LRRC7: variants seen among roughly 807,000 people sequenced by gnomAD.
LRRC7 encodes the protein leucine rich repeat containing 7.
In LRRC7, 23 loss-of-function variants were observed where a neutral mutation model predicts 175.7. The observed-to-expected ratio is 0.13, with a 90% CI of 0.09 to 0.19. The LOEUF is 0.19. LRRC7 is among the 10% of genes least tolerant of loss of function. LRRC7 has a pLI of 1.00. For missense variants in LRRC7, 1,354 were observed against 1,904.7 expected (o/e 0.71, Z 5.38); for synonymous variants, 685 against 680.9 (o/e 1.01, Z -0.09).
chr1:69,622,083 C>A (rs1557499195), intron 1 of LRRC7, among the ~76,000 whole-genome samples: 3 of 152,202 alleles, frequency 2.0e-5, no homozygotes, highest in African/African-American at 7.2e-5. Flanking sequence ...CAAAGAAATG[C>A]TAGCTACTCA....
chr1:69,834,244 C>T (rs998094859), intron 5 of LRRC7, among the ~76,000 whole-genome samples: 5 of 152,006 alleles, frequency 3.3e-5, no homozygotes, highest in African/African-American at 9.7e-5. Context: ...GATTTACATA[C>T]ATGTTGAGCA....
intron 8 of LRRC7, among the ~76,000 whole-genome samples, chr1:69,940,022 T>G (rs1422916615): frequency 1.3e-5 from 2 of 152,100 alleles, no homozygotes; most frequent in Non-Finnish European, 2.9e-5. Flanking sequence ...GACCAATAAA[T>G]ACATACGCAC....
chr1:70,107,799 A>C lies in LRRC7; in HGVS notation c.4593A>C (p.Leu1531=), dbSNP rs1192240310. ...RVQPDGPASN[L]LQPGDKILQA... ...AGCCTGATGGGCCAGCATCAAACCT[A>C]CTGCAGCCTGGTGATAAGATCCTTC... The change falls in exon 26 of 27, where the codon CTA becomes CTC. Residue 1531 remains leucine, a synonymous_variant. Coordinates refer to ENST00000651989, the MANE Select transcript of LRRC7 (RefSeq NM_001370785.2). The C allele has an allele frequency of 1.2e-6, 2 of 1,613,264 alleles. No individual in the cohort carries two copies. Among genetic ancestry groups the C allele is most frequent in the African/African-American group, 2.7e-5 (2 of 75,012 alleles).
At chr1:70,035,791 T>C (rs1424370421) in intron 18 of LRRC7, among the ~76,000 whole-genome samples, 2 of 152,116 alleles carry the variant, frequency 1.3e-5, no homozygotes, top group Non-Finnish European at 2.9e-5. Context: ...TCTAATGAGT[T>C]ATAGCTCATC....
intron 7 of LRRC7, among the ~76,000 whole-genome samples, chr1:69,928,220 G>A (rs1647152852): frequency 6.6e-6 from 1 of 152,148 alleles, no homozygotes; most frequent in African/African-American, 2.4e-5. Flanking sequence ...CCCTACTGTG[G>A]GGTGCCTCCC....
At chr1:69,968,944 G>A (rs552433468) in intron 8 of LRRC7, among the ~76,000 whole-genome samples, 4 of 151,662 alleles carry the variant, frequency 2.6e-5, no homozygotes, top group South Asian at 4.2e-4. Context: ...TCAGCCTCCC[G>A]AGTAGCTGGG....
chr1:69,821,429 T>C (rs1326532215), intron 4 of LRRC7, among the ~76,000 whole-genome samples: 2 of 152,080 alleles, frequency 1.3e-5, no homozygotes, highest in Non-Finnish European at 1.5e-5. Context: ...ATTTCTGGGA[T>C]TTTTTTAATG....
intron 23 of LRRC7, among the ~76,000 whole-genome samples, chr1:70,072,047 C>A (rs548985302): frequency 6.6e-6 from 1 of 152,194 alleles, no homozygotes; most frequent in African/African-American, 2.4e-5. Flanking sequence ...TAAATATTTT[C>A]TTGAGTCTTA....
At chr1:70,070,374 T>G (rs989884694) in intron 23 of LRRC7, among the ~76,000 whole-genome samples, 11 of 152,218 alleles carry the variant, frequency 7.2e-5, no homozygotes. Context: ...TAATTGATCA[T>G]GGAAGCATTT....
rs1667190733 is a variant in LRRC7 at position 70,143,870 on chromosome 1, C to G, written c.*21983C>G. The G allele has an allele frequency of 6.7e-6, 1 of 149,994 alleles. No homozygotes were observed. Among genetic ancestry groups the G allele is most frequent in the African/African-American group, 2.5e-5 (1 of 39,482 alleles). The allele number at this position is 149,994 out of a possible 1,614,324, so 9.3% of individuals were successfully genotyped here. A position where few individuals can be genotyped will look rare whatever the true frequency, so the allele number is the denominator to read the frequency against. ...GTCATTTTTGTATGTGTTAAAAAGA[C>G]TACTATATCACAATTAAAAGTACTT... On this transcript the variant is annotated 3_prime_UTR_variant, in exon 27 of 27. Transcript: ENST00000651989.
At chr1:69,578,563 C>T (rs1177205598) in intron 1 of LRRC7, among the ~76,000 whole-genome samples, 2 of 149,900 alleles carry the variant, frequency 1.3e-5, no homozygotes, top group African/African-American at 2.5e-5. Context: ...CAATGATAGA[C>T]TGGATTAAGA....
In LRRC7 at chr1:70,039,570, G is replaced by C; in HGVS notation, c.3746G>C (p.Gly1249Ala). 1 of 1,614,114 alleles carries C rather than the reference G, an allele frequency of 6.2e-7. No homozygotes were observed. The highest frequency in any genetic ancestry group is 8.5e-7 in the Non-Finnish European group (1 of 1,180,018). Residue 1249 changes from glycine to alanine, a missense_variant, in exon 21 of 27, where the codon GGT (glycine) becomes GCT (alanine). By Grantham distance (60) the Gly-to-Ala change is moderately conservative. Transcript: ENST00000651989. ...SARSYSTESY[G>A]ASQTRPVSAR... ...AGAAGCTACAGTACAGAGAGTTACG[G>C]TGCCTCCCAAACCAGGCCAGTTTCA... is the stretch of plus-strand genomic sequence containing the variant.
At chr1:69,668,391 T>A (rs1278290435) in intron 1 of LRRC7, among the ~76,000 whole-genome samples, 2 of 151,916 alleles carry the variant, frequency 1.3e-5, no homozygotes, top group African/African-American at 4.8e-5. Flanking sequence ...TGAGAACATG[T>A]GGTGTTTGGT....
chr1:69,758,979 T>C (rs1225732221), intron 2 of LRRC7, among the ~76,000 whole-genome samples: 1 of 152,042 alleles, frequency 6.6e-6, no homozygotes, highest in Non-Finnish European at 1.5e-5. Context: ...GTTGGCAAAC[T>C]GCACTATGTA....
intron 2 of LRRC7, among the ~76,000 whole-genome samples, chr1:69,702,710 A>G (rs978993746): frequency 2.0e-5 from 3 of 152,122 alleles, no homozygotes; most frequent in African/African-American, 7.2e-5. Context: ...AGGGGGACCT[A>G]AAAGACAAAT....
At chr1:69,590,525 A>T (rs1646588754) in intron 1 of LRRC7, among the ~76,000 whole-genome samples, 1 of 152,126 alleles carries the variant, frequency 6.6e-6, no homozygotes, top group Non-Finnish European at 1.5e-5. Context: ...GACCTACTGT[A>T]CTCCAAAAAT....
At chr1:69,947,938 C>A (rs1649516414) in intron 8 of LRRC7, among the ~76,000 whole-genome samples, 1 of 152,112 alleles carries the variant, frequency 6.6e-6, no homozygotes, top group Admixed American at 6.6e-5. Flanking sequence ...CCCTCTTTCT[C>A]TCTCTCAAAA....
At chr1:70,118,326 A>G (rs1665995550) in intron 26 of LRRC7, among the ~76,000 whole-genome samples, 1 of 150,994 alleles carries the variant, frequency 6.6e-6, no homozygotes, top group Non-Finnish European at 1.5e-5. Flanking sequence ...GATTTATTCT[A>G]TTATCTCCTT....
At chr1:69,690,256 C>T (rs562923911) in intron 2 of LRRC7, among the ~76,000 whole-genome samples, 2 of 152,256 alleles carry the variant, frequency 1.3e-5, no homozygotes, top group Non-Finnish European at 2.9e-5. Flanking sequence ...CTTGAGCTCC[C>T]ACTGGGCTTT....
Sources: allele counts gnomAD v4.1 joint callset (sites outside exome capture counted in the v4.1 genomes callset), GRCh38; gene constraint gnomAD v4.1.1; transcripts MANE v1.5; gene names NCBI Gene and HGNC (gene_info 2026-07-23, HGNC 2026-07-21).